Variants in SPAG16 observed in about 807,000 individuals in gnomAD.
SPAG16 encodes sperm associated antigen 16.
In SPAG16, 86 loss-of-function variants were observed where a neutral mutation model predicts 80.4. The observed-to-expected ratio is 1.07, with a 90% confidence interval of 0.90 to 1.28. The LOEUF is 1.28. Ranked by LOEUF, SPAG16 falls within the 50% of genes most tolerant of loss-of-function variation. The pLI is 0.00. For synonymous variants in SPAG16, 294 were observed against 265.9 expected, an observed-to-expected ratio of 1.11 and a Z score of -1.03; for missense variants, 870 against 765.3, an observed-to-expected ratio of 1.14 and a Z score of -1.61.
chr2:213,660,202 C>G lies in SPAG16; in HGVS notation c.1070+170112C>G, dbSNP rs1292824486. On this transcript the variant is annotated intron_variant, in intron 10 of 15. Transcript: ENST00000331683. ...TAGACATAAGAGTTATTGAAGAATA[C>G]AGAATAATGCACAAAGGTTTCTAAA... 2.6e-5 allele frequency among the ~76,000 whole-genome samples: 4 copies of G among 151,224 alleles called. No homozygotes were observed. In the East Asian group the frequency reaches 7.8e-4, roughly 29 times the overall value.
At chr2:214,385,006 T>C (rs567445996) in intron 15 of SPAG16, among the ~76,000 whole-genome samples, 1 of 152,344 alleles carries the variant, frequency 6.6e-6, no homozygotes, top group Admixed American at 6.5e-5. Context: ...GAGACAACCA[T>C]AGAAAACCCA....
At position 214,065,128 on chromosome 2, in the gene SPAG16, G is replaced by A. The variant is rs116378473; in HGVS notation, c.1528-43068G>A. Among the ~76,000 whole-genome samples the A allele has an allele frequency of 7.4e-3, 1,127 of 152,064 alleles. 24 individuals carry two copies. Among genetic ancestry groups the A allele is most frequent in the African/African-American group, 0.026 (1,092 of 41,524 alleles). On this transcript the variant is annotated intron_variant, in intron 13 of 15. Transcript: ENST00000331683. ...GAGAAAGTTGAGGTTTAAGAAGGCA[G>A]AATAACTTATCTATGTCCACAGAGC... is the stretch of plus-strand genomic sequence containing the variant.
intron 10 of SPAG16, among the ~76,000 whole-genome samples, chr2:213,678,685 A>C (rs1159037588): frequency 6.6e-6 from 1 of 152,130 alleles, no homozygotes; most frequent in Non-Finnish European, 1.5e-5. Flanking sequence ...CTACTGCAGA[A>C]AGCTCACTTC....
chr2:214,316,546 G>A (rs553447524), intron 15 of SPAG16, among the ~76,000 whole-genome samples: 14 of 152,290 alleles, frequency 9.2e-5, no homozygotes, highest in South Asian at 2.1e-4. Context: ...CGCGATGAAA[G>A]TTGTAGATGG....
At chr2:214,163,635 TATAGAGAGAG>T (rs1460837348) in intron 15 of SPAG16, among the ~76,000 whole-genome samples, 14 of 114,940 alleles carry the variant, frequency 1.2e-4, no homozygotes, top group African/African-American at 3.7e-4. Context: ...TACATATATA[TATAGAGAGAG>T]AGAGAGAAAG....
At chr2:213,352,061 C>G (rs1353886952) in intron 7 of SPAG16, among the ~76,000 whole-genome samples, 3 of 151,912 alleles carry the variant, frequency 2.0e-5, no homozygotes, top group Non-Finnish European at 4.4e-5. Flanking sequence ...TGCACTCACT[C>G]TCTTTCCTGC....
chr2:213,729,034 A>C (rs1466853276), intron 10 of SPAG16, among the ~76,000 whole-genome samples: 3 of 152,038 alleles, frequency 2.0e-5, no homozygotes, highest in Non-Finnish European at 4.4e-5. Flanking sequence ...TAACATTAAT[A>C]GGTGATCAAT....
At chr2:213,528,308 G>T (rs1262543053) in intron 10 of SPAG16, among the ~76,000 whole-genome samples, 1 of 151,984 alleles carries the variant, frequency 6.6e-6, no homozygotes, top group Non-Finnish European at 1.5e-5. Context: ...TTTGGCAGGG[G>T]GTGGGGGTAA....
rs1253038069 is a variant in SPAG16 at position 213,851,578 on chromosome 2, G to A, written c.1071-10907G>A. On this transcript the variant is annotated intron_variant, in intron 10 of 15. Transcript: ENST00000331683. ...ATAACATGGGTGAATTTTAATCGCA[G>A]TACCATTGAGTATCTATTAGGTCTA... Among the ~76,000 whole-genome samples the A allele has an allele frequency of 3.3e-5, 5 of 152,284 alleles. No homozygotes were observed. In the South Asian group the frequency reaches 1.0e-3, roughly 32 times the overall value.
At chr2:214,141,701 A>G (rs1298796609) in intron 14 of SPAG16, among the ~76,000 whole-genome samples, 2 of 152,150 alleles carry the variant, frequency 1.3e-5, no homozygotes, top group Non-Finnish European at 2.9e-5. Context: ...CCCCGGTACA[A>G]TGAGGACATT....
chr2:214,379,422 C>T (rs929014347), intron 15 of SPAG16, among the ~76,000 whole-genome samples: 4 of 152,278 alleles, frequency 2.6e-5, no homozygotes, highest in African/African-American at 9.6e-5. Context: ...AAATATGATT[C>T]CCAAGCCCAT....
intron 12 of SPAG16, among the ~76,000 whole-genome samples, chr2:214,005,596 G>A (rs1381479719): frequency 6.6e-6 from 1 of 152,184 alleles, no homozygotes; most frequent in Non-Finnish European, 1.5e-5. Context: ...GCTTGCGGCA[G>A]ACTCCATGGT....
chr2:214,026,424 T>C (rs927646716), intron 13 of SPAG16, among the ~76,000 whole-genome samples: 2 of 151,548 alleles, frequency 1.3e-5, no homozygotes, highest in African/African-American at 4.8e-5. Context: ...AAAAATATCC[T>C]ATACACATAA....
At chr2:213,869,044 G>T (rs1031812991) in intron 11 of SPAG16, among the ~76,000 whole-genome samples, 17 of 151,604 alleles carry the variant, frequency 1.1e-4, no homozygotes, top group African/African-American at 4.1e-4. Flanking sequence ...CTGAGGTCAG[G>T]ATTTCGAGAC....
intron 13 of SPAG16, among the ~76,000 whole-genome samples, chr2:214,055,315 A>G (rs1170911969): frequency 6.6e-6 from 1 of 152,100 alleles, no homozygotes; most frequent in African/African-American, 2.4e-5. Context: ...TAAACTAATG[A>G]GCAAGATTTC....
At chr2:213,911,261 T>C (rs1455277813) in intron 11 of SPAG16, among the ~76,000 whole-genome samples, 1 of 152,170 alleles carries the variant, frequency 6.6e-6, no homozygotes, top group African/African-American at 2.4e-5. Flanking sequence ...TCCTCCCACC[T>C]TGGCCTCCCA....
intron 15 of SPAG16, among the ~76,000 whole-genome samples, chr2:214,390,313 G>A (rs560419014): frequency 7.2e-6 from 1 of 138,904 alleles, no homozygotes; most frequent in Admixed American, 7.5e-5. Context: ...GTGAATTGAT[G>A]CTAAATGAAT....
intron 15 of SPAG16, among the ~76,000 whole-genome samples, chr2:214,349,400 A>G (rs1024942405): frequency 4.6e-5 from 7 of 152,212 alleles, no homozygotes; most frequent in African/African-American, 1.7e-4. Flanking sequence ...AATGTTTTGA[A>G]GATTAATCCA....
intron 10 of SPAG16, among the ~76,000 whole-genome samples, chr2:213,634,957 G>A (rs2062303696): frequency 6.6e-6 from 1 of 151,214 alleles, no homozygotes; most frequent in Non-Finnish European, 1.5e-5. Context: ...TATATTCCAT[G>A]GTACATATAT....
Sources: gnomAD v4.1 joint callset for allele counts (sites outside exome capture counted in the v4.1 genomes callset) on GRCh38, gnomAD v4.1.1 for gene constraint, MANE v1.5 for transcripts, NCBI Gene and HGNC (gene_info 2026-07-23, HGNC 2026-07-21) for gene names.